Variants in MMS22L observed in about 807,000 individuals in gnomAD.
MMS22L encodes protein MMS22-like.
MMS22L carries 74 observed loss-of-function variants against 159.1 expected under a neutral mutation model. The observed-to-expected ratio is 0.47, with a 90% CI of 0.39 to 0.56. The LOEUF is 0.56. Ranked by LOEUF, MMS22L falls within the 20% of genes least tolerant of loss-of-function variation. The pLI is 0.00. For missense variants in MMS22L, 1,351 were observed against 1,422.1 expected (o/e 0.95, Z 0.80); for synonymous variants, 517 against 506.9 (o/e 1.02, Z -0.27).
At chr6:97,178,151 A>G (rs1466970569) in intron 18 of MMS22L, among the ~76,000 whole-genome samples, 2 of 152,152 alleles carry the variant, frequency 1.3e-5, no homozygotes, top group Admixed American at 6.6e-5. Context: ...TTGTCCAGCA[A>G]CTGTGTCAAT....
At chr6:97,194,988 T>C (rs1450796988) in intron 14 of MMS22L, among the ~76,000 whole-genome samples, 2 of 152,174 alleles carry the variant, frequency 1.3e-5, no homozygotes, top group African/African-American at 4.8e-5. Context: ...TAATTAAACA[T>C]ACAACCATGT....
rs1015785074 is a variant in MMS22L, at chr6:97,166,859, G to A, written c.3009+1212C>T. Among the ~76,000 whole-genome samples, 19 of 151,956 alleles carry A rather than the reference G, an allele frequency of 1.3e-4. 1 individual carries two copies. Among genetic ancestry groups the A allele is most frequent in the Admixed American group, 1.1e-3 (17 of 15,230 alleles). On this transcript the variant is annotated intron_variant, in intron 20 of 24. Coordinates refer to ENST00000683635, the MANE Select transcript of MMS22L (RefSeq NM_001350599.2). ...CTGTGGGATTGGCGGTTCAGGCTGT[G>A]GTGTGGCTGCCTCCCCTTTTTGTCA... is the stretch of plus-strand genomic sequence containing the variant.
intron 14 of MMS22L, among the ~76,000 whole-genome samples, chr6:97,207,511 C>T (rs1807910849): frequency 6.6e-6 from 1 of 152,106 alleles, no homozygotes; most frequent in Non-Finnish European, 1.5e-5. Context: ...GGTCATCACC[C>T]TATTTCAAAA....
At chr6:97,160,714 T>G (rs1802353090) in intron 22 of MMS22L, among the ~76,000 whole-genome samples, 1 of 152,046 alleles carries the variant, frequency 6.6e-6, no homozygotes, top group African/African-American at 2.4e-5. Context: ...TCTCTCTTCT[T>G]CTGGTTCACC....
At chr6:97,201,782 C>T (rs1001672224) in intron 14 of MMS22L, among the ~76,000 whole-genome samples, 1 of 152,184 alleles carries the variant, frequency 6.6e-6, no homozygotes, top group Non-Finnish European at 1.5e-5. Context: ...TCCAAATTCA[C>T]TAAAAATTTA....
chr6:97,180,114 T>G (rs1182807934), intron 16 of MMS22L, among the ~76,000 whole-genome samples: 1 of 152,202 alleles, frequency 6.6e-6, no homozygotes, highest in East Asian at 1.9e-4. Context: ...TTTCTCTTTT[T>G]TTTTTGAGAC....
At chr6:97,226,799 C>T (rs1344680570) in intron 14 of MMS22L, among the ~76,000 whole-genome samples, 1 of 151,998 alleles carries the variant, frequency 6.6e-6, no homozygotes, top group East Asian at 1.9e-4. Flanking sequence ...GTATCTCAAC[C>T]TTAGCACTGC....
intron 14 of MMS22L, among the ~76,000 whole-genome samples, chr6:97,223,691 C>A (rs569348825): frequency 2.0e-5 from 3 of 152,108 alleles, no homozygotes; most frequent in Non-Finnish European, 2.9e-5. Flanking sequence ...TTAAGGTAAA[C>A]AATCCTGAAT....
intron 14 of MMS22L, among the ~76,000 whole-genome samples, chr6:97,222,112 C>A (rs1481962107): frequency 6.6e-6 from 1 of 152,012 alleles, no homozygotes; most frequent in African/African-American, 2.4e-5. Context: ...ATCCCCAGTT[C>A]TCTTACAGAA....
rs376288244 is a variant in MMS22L, at chr6:97,278,898, C to T, written c.291G>A (p.Arg97=). The T allele has an allele frequency of 1.9e-5, 31 of 1,612,198 alleles. No individual in the cohort carries two copies. The African/African-American group carries it at 3.5e-4, about 18-fold the overall frequency. ...NSSRELFHLF[R]QQLYNLETLL... ...AGGTTTCCAAGTTGTACAGTTGTTG[C>T]CTAATTTTAAAAATGTAAGGTGAGA... Residue 97 remains arginine (R), a splice_region_variant and synonymous_variant, in exon 4 of 25, where the codon AGG becomes AGA. Coordinates refer to ENST00000683635, the MANE Select transcript of MMS22L (RefSeq NM_001350599.2).
chr6:97,269,295 C>T (rs189573052), intron 7 of MMS22L, among the ~76,000 whole-genome samples: 1 of 152,112 alleles, frequency 6.6e-6, no homozygotes, highest in Non-Finnish European at 1.5e-5. Context: ...AGTAAAGGCA[C>T]ACTACAGTTA....
rs572529499 is a variant in MMS22L, at chr6:97,165,476, A to C, written c.3010-19T>G. 4 of 1,591,824 alleles carry C rather than the reference A, an allele frequency of 2.5e-6. No homozygotes were observed. In the East Asian group the frequency reaches 9.0e-5, roughly 36 times the overall value. On this transcript the variant is annotated intron_variant, in intron 20 of 24. Coordinates refer to ENST00000683635, the MANE Select transcript of MMS22L (RefSeq NM_001350599.2). Reference sequence around the variant, plus strand: ...ACATGCCCTACAAGGAAAAAAAGTAAGAAATACTAAGAGGTAAAGTTTCAA... The same window carrying C: ...ACATGCCCTACAAGGAAAAAAAGTACGAAATACTAAGAGGTAAAGTTTCAA...
chr6:97,151,578 C>A (rs1801321267), intron 23 of MMS22L, 193 bp downstream of exon 23: 1 of 508,980 alleles, frequency 2.0e-6, no homozygotes, highest in African/African-American at 1.9e-5. Context: ...CCTCACTTAT[C>A]TTTTTCACTG....
At position 97,231,608 on chromosome 6, in the gene MMS22L, AGC is replaced by A; in HGVS notation, c.1345_1346del (p.Ala449Ter). The A allele has an allele frequency of 1.2e-6, 2 of 1,613,784 alleles. No individual in the cohort carries two copies. Among genetic ancestry groups the A allele is most frequent in the Non-Finnish European group, 1.7e-6 (2 of 1,179,786 alleles). On this transcript the variant is annotated frameshift_variant, in exon 13 of 25. Coordinates refer to ENST00000683635, the MANE Select transcript of MMS22L (RefSeq NM_001350599.2). LOFTEE classifies it high-confidence loss of function. The stretch of plus-strand genomic sequence containing the variant: ...TAGACAAGGGTGACTTCATGGTATT[AGC>A]AAGGCCTTTAAAAGGAAGCCAAGAA... ...SISWLPFKGLANTMKSPLSML... is the reference protein window; with the variant it reads ...SISWLPFKGLXNTMKSPLSML...
chr6:97,234,037 T>C lies in MMS22L; in HGVS notation c.1183-57A>G, dbSNP rs532035689. 5 of 1,564,902 alleles carry C rather than the reference T, an allele frequency of 3.2e-6. No individual in the cohort carries two copies. The South Asian group carries it at 6.0e-5, about 19-fold the overall frequency. ...AATGGGCTCTGGCAATATAAACATT[T>C]TCACTTGATATTGTGCTGTATATAA... On this transcript the variant is annotated intron_variant, in intron 11 of 24. Transcript: ENST00000683635.
intron 10 of MMS22L, among the ~76,000 whole-genome samples, chr6:97,252,302 A>G (rs1813322298): frequency 6.6e-6 from 1 of 152,132 alleles, no homozygotes; most frequent in Non-Finnish European, 1.5e-5. Flanking sequence ...AGTTTTTAAT[A>G]ACCTAAAAGC....
chr6:97,261,905 G>A (rs1814520868), intron 9 of MMS22L: 1 of 152,006 alleles, frequency 6.6e-6, no homozygotes, highest in Non-Finnish European at 1.5e-5. Context: ...TCGATATCCT[G>A]GGCTCAATGG....
At chr6:97,204,583 GGAGTTC>G (rs1807545920) in intron 14 of MMS22L, among the ~76,000 whole-genome samples, 1 of 152,126 alleles carries the variant, frequency 6.6e-6, no homozygotes, top group Non-Finnish European at 1.5e-5. Context: ...CTTGAGCCCA[GGAGTTC>G]GAGACTAGCC....
intron 10 of MMS22L, among the ~76,000 whole-genome samples, chr6:97,248,853 T>C: frequency 6.6e-6 from 1 of 151,208 alleles, no homozygotes. Context: ...AGGGAGACTT[T>C]GTCTCAAAAA....
Sources: gnomAD v4.1 joint callset for allele counts (sites outside exome capture counted in the v4.1 genomes callset) on GRCh38, gnomAD v4.1.1 for gene constraint, MANE v1.5 for transcripts, NCBI Gene and HGNC (gene_info 2026-07-23, HGNC 2026-07-21) for gene names.